Variants in ABCG5 observed in about 807,000 individuals in gnomAD.
ABCG5 encodes the protein ATP binding cassette subfamily G member 5.
In ABCG5, 64 loss-of-function variants were observed where a neutral mutation model predicts 64.5. The ratio of observed to expected loss-of-function variants is 0.99; its 90% CI spans 0.81 to 1.22. The LOEUF is 1.22. ABCG5 is among the 50% of genes most tolerant of loss of function. The pLI, the probability that ABCG5 is intolerant of heterozygous loss-of-function variation, is 0.00. For missense variants in ABCG5, 908 were observed against 829.5 expected (o/e 1.09, Z -1.16); for synonymous variants, 385 against 326.3 (o/e 1.18, Z -1.94).
At chr2:43,828,246 C>T (rs745790462) in intron 4 of ABCG5, 131 bp from the exon 5 acceptor site, 7 of 1,213,862 alleles carry the variant, frequency 5.8e-6, no homozygotes, top group Non-Finnish European at 8.3e-6. Context: ...ACTCACCACA[C>T]CCTGGGGAAA....
chr2:43,828,297 C>A, intron 4 of ABCG5, 182 bp from the exon 5 acceptor site: 1 of 811,492 alleles, frequency 1.2e-6, no homozygotes, highest in Non-Finnish European at 2.0e-6. Context: ...CGGCTTAAAT[C>A]GTAATACATG....
chr2:43,835,400 TG>T (rs1558772991), intron 2 of ABCG5, among the ~76,000 whole-genome samples: 1 of 152,188 alleles, frequency 6.6e-6, no homozygotes, highest in African/African-American at 2.4e-5. Flanking sequence ...GGTGAAAATT[TG>T]TTAAAGGAGA....
At chr2:43,838,877 G>T, upstream of ABCG5, 1 of 1,194,386 alleles carries the variant, frequency 8.4e-7, no homozygotes, top group Non-Finnish European at 1.2e-6. The surrounding 1 kb of genome is among the most constrained non-coding windows in gnomAD (Gnocchi z 4.2). Context: ...TCTTGACAGT[G>T]GGCAGAACAC....
At chr2:43,825,636 C>T (rs996540317) in intron 6 of ABCG5, among the ~76,000 whole-genome samples, 4 of 152,042 alleles carry the variant, frequency 2.6e-5, no homozygotes, top group African/African-American at 7.2e-5. Flanking sequence ...TTTCTGAGAC[C>T]GAATCTCACT....
chr2:43,819,025 C>T (rs1667024638), intron 11 of ABCG5, among the ~76,000 whole-genome samples: 1 of 152,156 alleles, frequency 6.6e-6, no homozygotes, highest in Non-Finnish European at 1.5e-5. Flanking sequence ...CAAGTCTGAG[C>T]TTCATTTTCT....
At chr2:43,831,686 G>A (rs747633865) in intron 4 of ABCG5, 83 bp downstream of exon 4, 5 of 1,350,646 alleles carry the variant, frequency 3.7e-6, no homozygotes, top group African/African-American at 2.9e-5. Context: ...GGAAGGAATG[G>A]GCAAGCGTAG....
Position 43,813,314 on chromosome 2 carries a change from C to G in ABCG5, c.1763-5G>C. 1 of 1,602,070 alleles carries G rather than the reference C, an allele frequency of 6.2e-7. No individual in the cohort carries two copies. Among genetic ancestry groups the G allele is most frequent in the Non-Finnish European group, 8.5e-7 (1 of 1,169,926 alleles). ...TCACAGAAACATTTGAGCTGCCTGT[C>G]AAGGAAAAGATTGACAGTGTCAGGT... On this transcript the variant is annotated splice_region_variant and splice_polypyrimidine_tract_variant and intron_variant, in intron 12 of 12. Coordinates refer to ENST00000405322, the MANE Select transcript of ABCG5 (RefSeq NM_022436.3).
Position 43,838,508 on chromosome 2 carries a change from G to C in ABCG5, c.143+29C>G. The C allele has an allele frequency of 6.3e-7, 1 of 1,579,136 alleles. No homozygotes were observed. On this transcript the variant is annotated intron_variant, in intron 1 of 12. Coordinates refer to ENST00000405322, the MANE Select transcript of ABCG5 (RefSeq NM_022436.3). The surrounding 1 kb of genome is among the most constrained non-coding windows in gnomAD (Gnocchi z 4.2). ...AGCGCCGGGCCCCGCACTCCTGGGG[G>C]AGCAGCAGCAGCAAGGGCTCTGCCT...
intron 2 of ABCG5, among the ~76,000 whole-genome samples, chr2:43,836,898 G>A (rs1305118564): frequency 2.6e-5 from 4 of 152,022 alleles, no homozygotes; most frequent in African/African-American, 7.2e-5. Flanking sequence ...TAAATTAGCC[G>A]GACATGGTGG....
At chr2:43,814,932 T>C (rs1223347078) in intron 11 of ABCG5, among the ~76,000 whole-genome samples, 1 of 152,218 alleles carries the variant, frequency 6.6e-6, no homozygotes, top group South Asian at 2.1e-4. Context: ...AGCATAGCAC[T>C]TTGTCATTTT....
intron 9 of ABCG5, among the ~76,000 whole-genome samples, chr2:43,823,145 T>A (rs890171389): frequency 1.3e-5 from 2 of 152,200 alleles, no homozygotes; most frequent in African/African-American, 4.8e-5. Flanking sequence ...GCAATACAAT[T>A]GCAAAAGATG....
chr2:43,833,809 C>T (rs1053062337), intron 2 of ABCG5, among the ~76,000 whole-genome samples: 5 of 152,106 alleles, frequency 3.3e-5, no homozygotes, highest in Admixed American at 1.3e-4. Flanking sequence ...CTCAGTCTCC[C>T]GAATAGCTGG....
intron 9 of ABCG5, among the ~76,000 whole-genome samples, chr2:43,823,289 C>G (rs1667366494): frequency 6.8e-6 from 1 of 148,080 alleles, no homozygotes; most frequent in Non-Finnish European, 1.5e-5. Flanking sequence ...CCACCCCGCC[C>G]CCACCACCAG....
intron 9 of ABCG5, among the ~76,000 whole-genome samples, chr2:43,823,391 A>G (rs1667374847): frequency 6.6e-6 from 1 of 151,754 alleles, no homozygotes; most frequent in South Asian, 2.1e-4. Flanking sequence ...CTCTAGAGCA[A>G]CTTCACAATA....
At chr2:43,817,871 C>T (rs1572749241) in intron 11 of ABCG5, among the ~76,000 whole-genome samples, 1 of 150,774 alleles carries the variant, frequency 6.6e-6, no homozygotes, top group South Asian at 2.1e-4. Context: ...GATCGCGCCA[C>T]TGCATTCCAG....
At chr2:43,827,527 A>G (rs551539412) in intron 5 of ABCG5, among the ~76,000 whole-genome samples, 221 of 152,144 alleles carry the variant, frequency 1.5e-3, no homozygotes, top group Middle Eastern at 3.4e-3. Context: ...CTGGCAGAGG[A>G]CTGACTACTC....
rs761800517 is a variant in ABCG5 at position 43,820,050 on chromosome 2, G to A, written c.1514C>T (p.Ala505Val). Residue 505 changes from alanine (A) to valine (V), a missense_variant, in exon 11 of 13, where the codon GCT becomes GTT. Ala to Val is a moderately conservative substitution (Grantham distance 64). Coordinates refer to ENST00000405322, the MANE Select transcript of ABCG5 (RefSeq NM_022436.3). The part of the protein sequence containing the change: ...EVARFGYFSA[A>V]LLAPHLIGEF... ...ACCAATTAAGTGGGGGGCCAAGAGA[G>A]CAGCAGAAAAATATCCAAATCGGGC... The A allele has an allele frequency of 1.9e-6, 3 of 1,614,188 alleles. No homozygotes were observed. The highest frequency in any genetic ancestry group is 1.7e-6 in the Non-Finnish European group (2 of 1,180,040).
intron 9 of ABCG5, among the ~76,000 whole-genome samples, chr2:43,823,682 T>C (rs1171137097): frequency 3.3e-5 from 5 of 152,172 alleles, no homozygotes; most frequent in African/African-American, 1.2e-4. Context: ...CAGTACATTG[T>C]CACTTCATGT....
chr2:43,817,170 T>C (rs1225029845), intron 11 of ABCG5, among the ~76,000 whole-genome samples: 2 of 152,236 alleles, frequency 1.3e-5, no homozygotes, highest in African/African-American at 2.4e-5. Context: ...TTTAGTATTC[T>C]TTGCAACTGC....
Sources: allele counts gnomAD v4.1 joint callset (sites outside exome capture counted in the v4.1 genomes callset), GRCh38; gene constraint gnomAD v4.1.1; non-coding constraint Gnocchi (gnomAD v3.1); transcripts MANE v1.5; gene names NCBI Gene and HGNC (gene_info 2026-07-23, HGNC 2026-07-21).